Variants in SMYD1 observed in about 807,000 individuals in gnomAD.
SMYD1 encodes the protein histone-lysine N-methyltransferase SMYD1.
SMYD1 carries 49 observed loss-of-function variants against 54.0 expected under a neutral mutation model. The observed-to-expected ratio is 0.91, with a 90% CI of 0.72 to 1.15. SMYD1 has a LOEUF of 1.15. SMYD1 is among the 50% of genes most tolerant of loss of function. SMYD1 has a pLI of 0.00. For synonymous variants in SMYD1, 269 were observed against 234.2 expected, an observed-to-expected ratio of 1.15 and a Z score of -1.36; for missense variants, 653 against 639.6, an observed-to-expected ratio of 1.02 and a Z score of -0.23.
chr2:88,108,798 G>T (rs1368749384), intron 9 of SMYD1, among the ~76,000 whole-genome samples: 1 of 152,206 alleles, frequency 6.6e-6, no homozygotes, highest in Non-Finnish European at 1.5e-5. Flanking sequence ...AGGAAGTGTG[G>T]TGCTGGCATC....
chr2:88,106,639 T>C, intron 8 of SMYD1, 151 bp downstream of exon 8: 1 of 766,510 alleles, frequency 1.3e-6, no homozygotes, highest in East Asian at 2.7e-5. Context: ...ACTGAGTCTT[T>C]TTATCATGGT....
chr2:88,094,442 G>A (rs1314143954), intron 5 of SMYD1, among the ~76,000 whole-genome samples: 1 of 152,140 alleles, frequency 6.6e-6, no homozygotes, highest in Non-Finnish European at 1.5e-5. Context: ...GAGGTAGAAG[G>A]GGTCTGGGGT....
At chr2:88,077,827 G>T (rs111871668) in intron 1 of SMYD1, among the ~76,000 whole-genome samples, 1 of 151,196 alleles carries the variant, frequency 6.6e-6, no homozygotes, top group African/African-American at 2.4e-5. Context: ...AGGTTCAAGC[G>T]ATTCTCCTGC....
rs2970889 is a variant in SMYD1 at position 88,112,385 on chromosome 2, C to T, written c.*1873C>T. 134,864 of 526,146 alleles carry T rather than the reference C, an allele frequency of 0.26. 23,051 individuals are homozygous for T. Among genetic ancestry groups the T allele is most frequent in the East Asian group, 0.56 (18,015 of 32,166 alleles). 32.6% of individuals were successfully genotyped at this position (526,146 alleles called of 1,614,324 possible). A position where few individuals can be genotyped will look rare whatever the true frequency, so the allele number is the denominator to read the frequency against. On this transcript the variant is annotated 3_prime_UTR_variant, in exon 10 of 10. Transcript: ENST00000419482. ...GTGCTCCTCCTTCCCTCTCAGACCA[C>T]TGGAATGCAAGTCCTTCTTCCCTTT... is the stretch of plus-strand genomic sequence containing the variant.
At chr2:88,080,740 G>A (rs1408045668) in intron 1 of SMYD1, among the ~76,000 whole-genome samples, 3 of 152,016 alleles carry the variant, frequency 2.0e-5, no homozygotes, top group Non-Finnish European at 4.4e-5. Flanking sequence ...ATGACTCAGA[G>A]GTTAGCATAC....
chr2:88,107,733 C>A (rs1674913692), intron 8 of SMYD1, among the ~76,000 whole-genome samples: 1 of 152,208 alleles, frequency 6.6e-6, no homozygotes, highest in African/African-American at 2.4e-5. Context: ...GGTGTAGGAC[C>A]CTCCGAGCGA....
At position 88,067,936 on chromosome 2, in the gene SMYD1, C is replaced by A. The variant is rs755080653; in HGVS notation, c.72C>A (p.Thr24=). The A allele has an allele frequency of 1.2e-5, 19 of 1,613,962 alleles. No homozygotes were observed. The highest frequency in any genetic ancestry group is 1.0e-5 in the Non-Finnish European group (12 of 1,180,026). Residue 24 remains threonine (T), a synonymous_variant, in exon 1 of 10, where the codon ACC becomes ACA. Transcript: ENST00000419482. ...GCAAAGGAAGGGGTCTGAAGGCCAC[C>A]AAGGAGTTCTGGGCTGCAGATATCA... The part of the protein sequence containing the change: ...AEGKGRGLKA[T]KEFWAADIIF...
At chr2:88,100,958 A>T (rs1019634442) in intron 6 of SMYD1, among the ~76,000 whole-genome samples, 2 of 152,326 alleles carry the variant, frequency 1.3e-5, no homozygotes, top group African/African-American at 4.8e-5. Context: ...GGAAACAAGG[A>T]TAGCCAAAAT....
chr2:88,084,824 C>G (rs1022984825), intron 2 of SMYD1, among the ~76,000 whole-genome samples: 2 of 152,146 alleles, frequency 1.3e-5, no homozygotes, highest in African/African-American at 4.8e-5. Context: ...GATCACAGCT[C>G]ACTGCAGCCT....
At chr2:88,068,635 T>C (rs1301479177) in intron 1 of SMYD1, among the ~76,000 whole-genome samples, 4 of 148,528 alleles carry the variant, frequency 2.7e-5, no homozygotes, top group Non-Finnish European at 5.9e-5. Flanking sequence ...TTTACAGAAA[T>C]GGTGTCATAC....
At chr2:88,074,563 T>C (rs1052437045) in intron 1 of SMYD1, among the ~76,000 whole-genome samples, 3 of 152,224 alleles carry the variant, frequency 2.0e-5, no homozygotes, top group Admixed American at 1.3e-4. Flanking sequence ...TGGGGGGCTA[T>C]TATTCAGTCT....
In SMYD1 at chr2:88,096,027, T is replaced by C. The variant is rs12619895; in HGVS notation, c.699-568T>C. Among the ~76,000 whole-genome samples the C allele has an allele frequency of 5.9e-4, 90 of 152,220 alleles. No homozygotes were observed. In the East Asian group the frequency reaches 0.014, roughly 24 times the overall value. On this transcript the variant is annotated intron_variant, in intron 5 of 9. Coordinates refer to ENST00000419482, the MANE Select transcript of SMYD1 (RefSeq NM_198274.4). ...AGTAAGCTAACAGAGCCAGCCTTTG[T>C]TTATTTGCCTTCAGTGATCTCCAGT...
intron 2 of SMYD1, among the ~76,000 whole-genome samples, chr2:88,086,634 C>T (rs919345408): frequency 6.6e-6 from 1 of 152,218 alleles, no homozygotes; most frequent in African/African-American, 2.4e-5. Context: ...CCTCCGCTCA[C>T]ACTGTTTCCC....
In SMYD1 at chr2:88,087,815, G is replaced by A. The variant is rs754294806; in HGVS notation, c.315-47G>A. The A allele has an allele frequency of 4.1e-6, 6 of 1,462,334 alleles. No individual in the cohort carries two copies. In the Admixed American group the frequency reaches 1.2e-4, roughly 30 times the overall value. The allele number at this position is 1,462,334 out of a possible 1,614,324, so 90.6% of individuals were successfully genotyped here. ...AGACACCCAGTAAATGTGTGTTGAAGGAATGAATGCAGCTGTAGTGGCCTC... is the reference window on the plus strand; with the variant it reads ...AGACACCCAGTAAATGTGTGTTGAAAGAATGAATGCAGCTGTAGTGGCCTC... On this transcript the variant is annotated intron_variant, in intron 2 of 9. Transcript: ENST00000419482.
intron 6 of SMYD1, among the ~76,000 whole-genome samples, chr2:88,100,505 C>G (rs556962191): frequency 2.6e-5 from 4 of 152,160 alleles, no homozygotes; most frequent in African/African-American, 9.7e-5. Context: ...ATACACTATA[C>G]ATGATTTTGT....
rs1252753696 is a variant in SMYD1, at chr2:88,109,131, G to A, written c.1314+592G>A. Among the ~76,000 whole-genome samples, 7 of 152,170 alleles carry A rather than the reference G, an allele frequency of 4.6e-5. No individual in the cohort carries two copies. The East Asian group carries it at 1.3e-3, about 29-fold the overall frequency. ...TTGCTTCACACATGAGGAAACTGAG[G>A]CCCAGGGAAGGAGGACAATCTGTCC... On this transcript the variant is annotated intron_variant, in intron 9 of 9. Coordinates refer to ENST00000419482, the MANE Select transcript of SMYD1 (RefSeq NM_198274.4).
At chr2:88,084,736 G>A (rs550437183) in intron 2 of SMYD1, among the ~76,000 whole-genome samples, 2 of 151,894 alleles carry the variant, frequency 1.3e-5, no homozygotes, top group East Asian at 3.9e-4. Flanking sequence ...CTTCTGTAGG[G>A]CTCCCCAATG....
chr2:88,106,985 G>A (rs2104016032), intron 8 of SMYD1, among the ~76,000 whole-genome samples: 1 of 152,284 alleles, frequency 6.6e-6, no homozygotes, highest in East Asian at 1.9e-4. Flanking sequence ...AGGATCACGA[G>A]GTGGGGAGAT....
At chr2:88,092,151 C>T (rs1213141403) in intron 4 of SMYD1, among the ~76,000 whole-genome samples, 1 of 152,096 alleles carries the variant, frequency 6.6e-6, no homozygotes, top group East Asian at 1.9e-4. Flanking sequence ...ACCCCTCATT[C>T]CCCCAACCTT....
Sources: allele counts gnomAD v4.1 joint callset (sites outside exome capture counted in the v4.1 genomes callset), GRCh38; gene constraint gnomAD v4.1.1; transcripts MANE v1.5; gene names NCBI Gene and HGNC (gene_info 2026-07-23, HGNC 2026-07-21).